Variants in SH2D3A observed in about 807,000 individuals in gnomAD.
The protein encoded by SH2D3A is SH2 domain-containing protein 3A.
In SH2D3A, 46 loss-of-function variants were observed where a neutral mutation model predicts 50.6. That is an observed-to-expected ratio of 0.91 (90% CI 0.72 to 1.16). The LOEUF (loss-of-function observed/expected upper bound fraction) is 1.16, where lower values mean the gene tolerates loss of function less well. Ranked by LOEUF, SH2D3A falls within the 50% of genes most tolerant of loss-of-function variation. SH2D3A has a pLI of 0.00. For missense variants in SH2D3A, 783 were observed against 786.2 expected (o/e 1.00, Z 0.05); for synonymous variants, 377 against 348.4 (o/e 1.08, Z -0.91).
At chr19:6,767,330 A>T (rs1970355001) in intron 1 of SH2D3A, 57 bp downstream of exon 1, 2 of 152,268 alleles carry the variant, frequency 1.3e-5, no homozygotes. Context: ...ACCTGGAAAG[A>T]GAGGACTCCC....
Position 6,760,935 on chromosome 19 carries a change from C to T in SH2D3A, c.122G>A (p.Gly41Glu), listed in dbSNP as rs753122669. 2 of 1,613,780 alleles carry T rather than the reference C, an allele frequency of 1.2e-6. No individual in the cohort carries two copies. Among genetic ancestry groups the T allele is most frequent in the Non-Finnish European group, 1.7e-6 (2 of 1,179,878 alleles). Residue 41 changes from glycine to glutamate, a missense_variant, in exon 3 of 10, where the codon GGG becomes GAG. Transcript: ENST00000245908. ...QNGDFLVRAS[G>E]SRGGNPVISC... ...GATCACGGGGTTGCCCCCACGGGAC[C>T]CAGAGGCGCGAACCAGGAAGTCGCC...
intron 2 of SH2D3A, among the ~76,000 whole-genome samples, chr19:6,762,168 G>C (rs961238858): frequency 4.6e-5 from 7 of 151,840 alleles, no homozygotes; most frequent in African/African-American, 1.7e-4. Flanking sequence ...AGGGTGGTAG[G>C]TATTATTATA....
rs1205911033 is a variant in SH2D3A at position 6,752,628 on chromosome 19, C to A, written c.1696G>T (p.Gly566Cys). Residue 566 changes from glycine to cysteine, a missense_variant, in exon 10 of 10, where the codon GGC (glycine) becomes TGC (cysteine). Physicochemically the swap from Gly to Cys is radical, Grantham distance 159. Coordinates refer to ENST00000245908, the MANE Select transcript of SH2D3A (RefSeq NM_005490.3). The part of the protein sequence containing the change: ...ERFEKFQRVL[G>C]VLSQRLEPDR ...GGCTCCAGGCGCTGCGACAGGACGC[C>A]GAGGACGCGCTGGAACTTCTCAAAG... 1.3e-6 allele frequency: 2 copies of A among 1,558,234 alleles called. No homozygotes were observed. The highest frequency in any genetic ancestry group is 1.7e-6 in the Non-Finnish European group (2 of 1,150,440).
chr19:6,755,175 G>C lies in SH2D3A; in HGVS notation c.637C>G (p.Pro213Ala). 4 of 1,599,246 alleles carry C rather than the reference G, an allele frequency of 2.5e-6. No homozygotes were observed. The highest frequency in any genetic ancestry group is 3.4e-6 in the Non-Finnish European group (4 of 1,170,762). ...AGTTCGAAGGAGGGTGTCCGGGGGGGCTTCGTTGGTGCCTTGGCTTGAAGC... is the reference window on the plus strand; with the variant it reads ...AGTTCGAAGGAGGGTGTCCGGGGGGCCTTCGTTGGTGCCTTGGCTTGAAGC... The part of the protein sequence containing the change: ...GQLQAKAPTK[P>A]PRTPSFELPD... Residue 213 changes from proline (P) to alanine (A), a missense_variant, in exon 5 of 10, where the codon CCC becomes GCC. Physicochemically the swap from Pro to Ala is conservative, Grantham distance 27 (BLOSUM62 -1). Coordinates refer to ENST00000245908, the MANE Select transcript of SH2D3A (RefSeq NM_005490.3).
chr19:6,753,733 A>G (rs1969468583), intron 8 of SH2D3A, 92 bp from the exon 9 acceptor site: 4 of 1,304,764 alleles, frequency 3.1e-6, no homozygotes, highest in Non-Finnish European at 4.1e-6. Flanking sequence ...GGCGGGGCTT[A>G]GGACTGAGCG....
intron 1 of SH2D3A, among the ~76,000 whole-genome samples, chr19:6,764,847 G>A (rs1293395443): frequency 1.3e-5 from 2 of 149,268 alleles, no homozygotes; most frequent in Non-Finnish European, 3.0e-5. Context: ...CTGGGACTAT[G>A]AGCGTGGGCC....
chr19:6,752,652 A>G lies in SH2D3A; in HGVS notation c.1672T>C (p.Phe558Leu). 6.4e-7 allele frequency: 1 copy of G among 1,556,686 alleles called. No individual in the cohort carries two copies. Among genetic ancestry groups the G allele is most frequent in the Non-Finnish European group, 8.7e-7 (1 of 1,150,362 alleles). ...RGAGAPRAER[F>L]EKFQRVLGVL... is the part of the protein sequence containing the mutation. ...CCGAGGACGCGCTGGAACTTCTCAA[A>G]GCGTTCAGCGCGCGGAGCTCCCGCG... The change falls in exon 10 of 10, where the codon TTT becomes CTT. Residue 558 changes from phenylalanine to leucine, a missense_variant. Physicochemically the swap from Phe to Leu is conservative, Grantham distance 22. Transcript: ENST00000245908.
At chr19:6,766,900 A>G (rs2144661015) in intron 1 of SH2D3A, among the ~76,000 whole-genome samples, 1 of 152,278 alleles carries the variant, frequency 6.6e-6, no homozygotes. Flanking sequence ...GATTTGGAGG[A>G]GTCGCCTGGG....
intron 2 of SH2D3A, among the ~76,000 whole-genome samples, chr19:6,763,113 G>T (rs559582111): frequency 6.6e-6 from 1 of 152,086 alleles, no homozygotes; most frequent in African/African-American, 2.4e-5. Context: ...ACCCAGTCTG[G>T]AGTGCAGTGG....
intron 4 of SH2D3A, among the ~76,000 whole-genome samples, chr19:6,755,804 C>T (rs1008204615): frequency 2.0e-5 from 3 of 151,522 alleles, no homozygotes; most frequent in Admixed American, 2.0e-4. Flanking sequence ...AAAGGATGAG[C>T]GTGGTGGCCG....
At chr19:6,754,537 G>A in intron 6 of SH2D3A, 79 bp downstream of exon 6, 7 of 1,595,918 alleles carry the variant, frequency 4.4e-6, no homozygotes, top group Non-Finnish European at 6.0e-6. Context: ...GGGGAACCAT[G>A]AGTGGGGAGC....
In SH2D3A at chr19:6,754,862, G is replaced by T; in HGVS notation, c.950C>A (p.Thr317Asn). Residue 317 changes from threonine (T) to asparagine (N), a missense_variant, in exon 5 of 10, where the codon ACC (threonine) becomes AAC (asparagine). By Grantham distance (65) the Thr-to-Asn change is moderately conservative (BLOSUM62 0). Transcript: ENST00000245908. The stretch of plus-strand genomic sequence containing the variant: ...GTCTACCAATAGCAGGTGAAGGGCG[G>T]TGCTCCCAGGATGGTGCTCCAGGAA... ...GLFLEHHPGSTALHLLLVDCQ... is the reference protein window; with the variant it reads ...GLFLEHHPGSNALHLLLVDCQ... 1 of 1,598,510 alleles carries T rather than the reference G, an allele frequency of 6.3e-7. No individual in the cohort carries two copies. Among genetic ancestry groups the T allele is most frequent in the East Asian group, 2.2e-5 (1 of 44,706 alleles).
At chr19:6,766,677 C>T (rs1970316633) in intron 1 of SH2D3A, among the ~76,000 whole-genome samples, 1 of 152,186 alleles carries the variant, frequency 6.6e-6, no homozygotes, top group Non-Finnish European at 1.5e-5. Context: ...GATTAAAGCT[C>T]GGCACCACCC....
chr19:6,760,776 C>T lies in SH2D3A; in HGVS notation c.281G>A (p.Ser94Asn), dbSNP rs1362282856. 6.2e-7 allele frequency: 1 copy of T among 1,614,148 alleles called. No individual in the cohort carries two copies. The highest frequency in any genetic ancestry group is 8.5e-7 in the Non-Finnish European group (1 of 1,180,052). ...CAGTGGGCGCCTGCCTGTCATATAA[C>T]TGTGAACCAGAGCCGGTATGCTGGG... ...QFPSIPALVH[S>N]YMTGRRPLSQ... Residue 94 changes from serine to asparagine, a missense_variant, in exon 3 of 10, where the codon AGT becomes AAT. By Grantham distance (46) the Ser-to-Asn change is conservative. Transcript: ENST00000245908.
chr19:6,753,560 G>C lies in SH2D3A; in HGVS notation c.1466C>G (p.Pro489Arg). 1 of 1,576,324 alleles carries C rather than the reference G, an allele frequency of 6.3e-7. No individual in the cohort carries two copies. Residue 489 changes from proline (P) to arginine (R), a missense_variant, in exon 9 of 10, where the codon CCG becomes CGG. Transcript: ENST00000245908. ...RLLEGEEVAGPLDESCERLLR... is the reference protein window; with the variant it reads ...RLLEGEEVAGRLDESCERLLR... ...CAGCCGCTCACAGCTCTCGTCCAGCGGCCCCGCGACTTCCTCGCCCTCCAG... is the reference window on the plus strand; with the variant it reads ...CAGCCGCTCACAGCTCTCGTCCAGCCGCCCCGCGACTTCCTCGCCCTCCAG...
Position 6,754,717 on chromosome 19 carries a change from C to G in SH2D3A, c.996G>C (p.Leu332=), listed in dbSNP as rs1314199874. The change falls in exon 6 of 10, where the codon CTG becomes CTC. Residue 332 remains leucine (L), a synonymous_variant. Transcript: ENST00000245908. ...TGCCCCGCTGATCTCTGGTCACTCC[C>G]AGGAGGCCTGTGGCCTGCAGAAGGG... ...LLVDCQATGL[L]GVTRDQRGNM... 6.2e-7 allele frequency: 1 copy of G among 1,614,216 alleles called. No homozygotes were observed.
chr19:6,763,778 C>T lies in SH2D3A; in HGVS notation c.-30G>A. 6.3e-7 allele frequency: 1 copy of T among 1,598,308 alleles called. No individual in the cohort carries two copies. The highest frequency in any genetic ancestry group is 8.6e-7 in the Non-Finnish European group (1 of 1,168,706). ...CTCTTGGGAACAGAGGGTGCCAGGG[C>T]TGAGCTCTGCACTTTCAACAGGCCT... On this transcript the variant is annotated 5_prime_UTR_variant, in exon 2 of 10. Coordinates refer to ENST00000245908, the MANE Select transcript of SH2D3A (RefSeq NM_005490.3).
Position 6,760,742 on chromosome 19 carries a change from G to A in SH2D3A, c.315C>T (p.Ala105=). The A allele has an allele frequency of 1.9e-6, 3 of 1,614,214 alleles. No homozygotes were observed. The highest frequency in any genetic ancestry group is 1.1e-5 in the South Asian group (1 of 91,092). Residue 105 remains alanine, a synonymous_variant, in exon 3 of 10, where the codon GCC becomes GCT. Transcript: ENST00000245908. ...CAGGCCTGGAGACCACAGCCCCTGT[G>A]GCCTGGGACAGTGGGCGCCTGCCTG... ...YMTGRRPLSQ[A]TGAVVSRPVT...
chr19:6,760,996 G>A lies in SH2D3A; in HGVS notation c.70-9C>T, dbSNP rs759054803. On this transcript the variant is annotated splice_polypyrimidine_tract_variant and intron_variant, in intron 2 of 9. Transcript: ENST00000245908. ...AGAAGAGCTTCAGCCTTCTGTGGAT[G>A]AAGTTCAGGGGGCAGGGGAATTAGG... is the stretch of plus-strand genomic sequence containing the variant. 1.1e-5 allele frequency: 18 copies of A among 1,598,908 alleles called. No homozygotes were observed. The highest frequency in any genetic ancestry group is 9.4e-6 in the Non-Finnish European group (11 of 1,171,226).
Sources: allele counts gnomAD v4.1 joint callset (sites outside exome capture counted in the v4.1 genomes callset), GRCh38; gene constraint gnomAD v4.1.1; transcripts MANE v1.5; gene names NCBI Gene and HGNC (gene_info 2026-07-23, HGNC 2026-07-21).